The following EPM2A variants were observed in gnomAD, a reference collection of about 807,000 sequenced individuals.
EPM2A encodes EPM2A glucan phosphatase, laforin, also known as laforin.
A neutral mutation model predicts 26.5 loss-of-function variants in EPM2A; 21 were observed. The observed-to-expected ratio is 0.79, with a 90% confidence interval of 0.56 to 1.14. The LOEUF (loss-of-function observed/expected upper bound fraction) is 1.14. EPM2A is among the 50% of genes most tolerant of loss of function. The pLI, the probability that EPM2A is intolerant of heterozygous loss-of-function variation, is 0.00. For synonymous variants in EPM2A, 217 were observed against 177.6 expected (o/e 1.22, Z -1.76); for missense variants, 458 against 440.8 (o/e 1.04, Z -0.35).
intron 2 of EPM2A, chr6:145,638,586 G>A (rs535764788): frequency 6.6e-6 from 1 of 152,304 alleles, no homozygotes; most frequent in African/African-American, 2.4e-5. Flanking sequence ...TAAGAAATGA[G>A]TATGAACTAA....
intron 1 of EPM2A, among the ~76,000 whole-genome samples, chr6:145,706,838 T>G (rs968724270): frequency 1.3e-5 from 2 of 152,192 alleles, no homozygotes; most frequent in African/African-American, 4.8e-5. Context: ...ATAGTTTAAG[T>G]GTTTGTGTTG....
At chr6:145,491,992 G>A (rs547660367) in intron 4 of EPM2A, 62 of 432,280 alleles carry the variant, frequency 1.4e-4, no homozygotes, top group South Asian at 1.1e-3. Context: ...GATGATGTCA[G>A]TAAACCAGTC....
rs144264473 is a variant in EPM2A at position 145,663,401 on chromosome 6, C to T, written c.476+22721G>A. The stretch of plus-strand genomic sequence containing the variant: ...CAGTGGGCACAGGCCAGTGGGTGCA[C>T]GCACCGTGCGTGAGCCGAAGCAGGG... On this transcript the variant is annotated intron_variant, in intron 2 of 3. Coordinates refer to ENST00000367519, the MANE Select transcript of EPM2A (RefSeq NM_005670.4). Among the ~76,000 whole-genome samples the T allele has an allele frequency of 4.7e-3, 716 of 152,248 alleles. 10 individuals carry two copies. Among genetic ancestry groups the T allele is most frequent in the African/African-American group, 0.016 (658 of 41,550 alleles).
At chr6:145,555,482 T>C (rs1305671098) in intron 2 of EPM2A, among the ~76,000 whole-genome samples, 1 of 152,126 alleles carries the variant, frequency 6.6e-6, no homozygotes, top group African/African-American at 2.4e-5. Context: ...CAAGTTTATA[T>C]GGTTCAGTTT....
At chr6:145,498,032 T>C (rs1779843098), downstream of EPM2A, among the ~76,000 whole-genome samples, 1 of 152,168 alleles carries the variant, frequency 6.6e-6, no homozygotes, top group Admixed American at 6.5e-5. Flanking sequence ...CCAGAGATGA[T>C]GAATGGATTG....
At chr6:145,687,747 A>G (rs148563864) in intron 1 of EPM2A, among the ~76,000 whole-genome samples, 1 of 152,312 alleles carries the variant, frequency 6.6e-6, no homozygotes, top group African/African-American at 2.4e-5. Flanking sequence ...TTTGAGATAT[A>G]ACTCCTTCCA....
At chr6:145,396,956 C>A (rs889272529) in intron 4 of EPM2A, among the ~76,000 whole-genome samples, 1 of 152,178 alleles carries the variant, frequency 6.6e-6, no homozygotes, top group South Asian at 2.1e-4. Flanking sequence ...GCCAATCCCA[C>A]AGCACTTTCA....
intron 1 of EPM2A, among the ~76,000 whole-genome samples, chr6:145,709,474 C>A (rs1290200013): frequency 6.6e-6 from 1 of 152,178 alleles, no homozygotes; most frequent in Non-Finnish European, 1.5e-5. Context: ...CCTGCACACA[C>A]TCTCTGGCCC....
At chr6:145,583,830 C>A (rs989493356) in intron 2 of EPM2A, among the ~76,000 whole-genome samples, 6 of 152,234 alleles carry the variant, frequency 3.9e-5, no homozygotes, top group Admixed American at 1.3e-4. Flanking sequence ...GCACCAGTGG[C>A]AGTGGCAGCA....
chr6:145,525,935 A>G (rs1780267334), intron 2 of EPM2A, among the ~76,000 whole-genome samples: 1 of 152,232 alleles, frequency 6.6e-6, no homozygotes, highest in East Asian at 1.9e-4. Flanking sequence ...AGTTTGTCAG[A>G]GATGACTCTT....
intron 1 of EPM2A, among the ~76,000 whole-genome samples, chr6:145,732,165 T>C (rs916529364): frequency 6.6e-6 from 1 of 151,444 alleles, no homozygotes; most frequent in African/African-American, 2.4e-5. Flanking sequence ...AGGAGTTCGA[T>C]TGTTTTCTTT....
Position 145,458,520 on chromosome 6 carries a change from A to G in EPM2A, c.555+44002T>C, listed in dbSNP as rs373558836. 4.5e-4 allele frequency among the ~76,000 whole-genome samples: 69 copies of G among 152,310 alleles called. 1 individual carries two copies. Among genetic ancestry groups the G allele is most frequent in the African/African-American group, 9.6e-4 (40 of 41,580 alleles). On this transcript the variant is annotated intron_variant, in intron 4 of 4. Coordinates refer to the EPM2A transcript ENST00000638717. ...CATTAGGATATCATGTATTAGATTTAGTCTTGCCTCCTATAAATCACGATG... is the reference window on the plus strand; with the variant it reads ...CATTAGGATATCATGTATTAGATTTGGTCTTGCCTCCTATAAATCACGATG...
intron 2 of EPM2A, among the ~76,000 whole-genome samples, chr6:145,658,281 C>T (rs890372635): frequency 3.3e-5 from 5 of 152,150 alleles, no homozygotes; most frequent in African/African-American, 1.2e-4. Context: ...CAATGACTGA[C>T]CTGTTCTACA....
intron 4 of EPM2A, among the ~76,000 whole-genome samples, chr6:145,406,572 T>C (rs1290203515): frequency 6.6e-6 from 1 of 152,162 alleles, no homozygotes; most frequent in Non-Finnish European, 1.5e-5. Context: ...CTTCCTCTAA[T>C]GGTAGCTACC....
At chr6:145,615,386 C>G (rs1387064999) in intron 2 of EPM2A, among the ~76,000 whole-genome samples, 1 of 152,152 alleles carries the variant, frequency 6.6e-6, no homozygotes, top group African/African-American at 2.4e-5. Context: ...CCACATGGAA[C>G]TGTAAGTCCA....
rs1195788970 is a variant in EPM2A, at chr6:145,548,077, C to T, written c.341-45502G>A. Among the ~76,000 whole-genome samples the T allele has an allele frequency of 2.0e-5, 3 of 152,168 alleles. No homozygotes were observed. In the South Asian group the frequency reaches 6.2e-4, roughly 32 times the overall value. ...CTCCAGATGATTTTTCCAGCCTTTG[C>T]TCTTACCATGTTCCTTGGCACTCCC... On this transcript the variant is annotated intron_variant, in intron 2 of 3. Coordinates refer to the EPM2A transcript ENST00000450221.
intron 1 of EPM2A, among the ~76,000 whole-genome samples, chr6:145,711,478 G>T (rs1159314231): frequency 6.6e-6 from 1 of 152,140 alleles, no homozygotes; most frequent in East Asian, 1.9e-4. Context: ...ACTCCCAGAT[G>T]TAAAAGTCTT....
intron 2 of EPM2A, among the ~76,000 whole-genome samples, chr6:145,554,647 C>T (rs1310545885): frequency 6.6e-6 from 1 of 152,042 alleles, no homozygotes; most frequent in Non-Finnish European, 1.5e-5. Context: ...GGCTTCCTTG[C>T]TTTCTCCTGA....
At chr6:145,668,577 G>A (rs1779408267) in intron 2 of EPM2A, among the ~76,000 whole-genome samples, 1 of 152,126 alleles carries the variant, frequency 6.6e-6, no homozygotes, top group South Asian at 2.1e-4. Flanking sequence ...GGGCAAGAAA[G>A]TAGAGACCCT....
Sources: allele counts gnomAD v4.1 joint callset (sites outside exome capture counted in the v4.1 genomes callset), GRCh38; gene constraint gnomAD v4.1.1; transcripts MANE v1.5; gene names NCBI Gene and HGNC (gene_info 2026-07-23, HGNC 2026-07-21).